Variants in CAB39L observed in about 807,000 individuals in gnomAD.
CAB39L encodes the protein calcium-binding protein 39-like.
CAB39L carries 23 observed loss-of-function variants against 39.1 expected under a neutral mutation model. The observed-to-expected ratio is 0.59, with a 90% CI of 0.42 to 0.83. CAB39L has a LOEUF of 0.83. CAB39L is among the 40% of genes least tolerant of loss of function. The pLI, the probability that CAB39L is intolerant of heterozygous loss-of-function variation, is 0.00. For missense variants in CAB39L, 366 were observed against 391.9 expected (o/e 0.93, Z 0.56); for synonymous variants, 126 against 137.2 (o/e 0.92, Z 0.57).
At chr13:49,411,834 T>C (rs1956995939) in intron 3 of CAB39L, among the ~76,000 whole-genome samples, 2 of 152,312 alleles carry the variant, frequency 1.3e-5, no homozygotes, top group African/African-American at 4.8e-5. Flanking sequence ...GCCTGGCTCA[T>C]GGAACACAGG....
chr13:49,329,587 ATATATAT>A (rs1954626663), intron 10 of CAB39L, among the ~76,000 whole-genome samples: 1 of 119,526 alleles, frequency 8.4e-6, no homozygotes, highest in Admixed American at 8.6e-5. Flanking sequence ...ATATATATAT[ATATATAT>A]ATAATGATGT....
At chr13:49,366,756 A>G (rs1379447700) in intron 5 of CAB39L, among the ~76,000 whole-genome samples, 1 of 151,966 alleles carries the variant, frequency 6.6e-6, no homozygotes, top group Non-Finnish European at 1.5e-5. Context: ...TGGCTCACAC[A>G]TGTAATCCCA....
At chr13:49,391,787 A>G (rs1956493351) in intron 3 of CAB39L, among the ~76,000 whole-genome samples, 1 of 152,184 alleles carries the variant, frequency 6.6e-6, no homozygotes, top group Non-Finnish European at 1.5e-5. Context: ...ATTTGACCAA[A>G]TCAGCAAAAA....
intron 3 of CAB39L, among the ~76,000 whole-genome samples, chr13:49,409,460 A>AC (rs1956945234): frequency 6.6e-6 from 1 of 152,068 alleles, no homozygotes; most frequent in Non-Finnish European, 1.5e-5. Context: ...TAAAAAAAAA[A>AC]AAAAAACCTT....
At position 49,370,801 on chromosome 13, in the gene CAB39L, G is replaced by C. The variant is rs945805775; in HGVS notation, c.276+6166C>G. Among the ~76,000 whole-genome samples, 7 of 152,280 alleles carry C rather than the reference G, an allele frequency of 4.6e-5. No individual in the cohort carries two copies. The East Asian group carries it at 1.2e-3, about 25-fold the overall frequency. On this transcript the variant is annotated intron_variant, in intron 5 of 10. Coordinates refer to ENST00000409308, the MANE Select transcript of CAB39L (RefSeq NM_001079670.3). ...AGGTTTCACATCTAATTAAGAGCCT[G>C]ATGCCAAATGCCATTTTTAATCACC... is the stretch of plus-strand genomic sequence containing the variant.
intron 5 of CAB39L, among the ~76,000 whole-genome samples, chr13:49,374,130 G>C (rs1955994454): frequency 6.6e-6 from 1 of 152,144 alleles, no homozygotes; most frequent in African/African-American, 2.4e-5. Context: ...GCTAGAGAAG[G>C]ATAACGGCTG....
At chr13:49,419,522 G>T (rs539565401) in intron 3 of CAB39L, among the ~76,000 whole-genome samples, 11 of 152,290 alleles carry the variant, frequency 7.2e-5, no homozygotes, top group Non-Finnish European at 1.5e-4. Flanking sequence ...AGGCTGCAGT[G>T]AGTCAAGATC....
intron 3 of CAB39L, among the ~76,000 whole-genome samples, chr13:49,424,746 CTAATT>C (rs1957218844): frequency 6.6e-6 from 1 of 151,900 alleles, no homozygotes; most frequent in Non-Finnish European, 1.5e-5. Flanking sequence ...TCTCAGAACA[CTAATT>C]TAGTTTTTAA....
intron 3 of CAB39L, among the ~76,000 whole-genome samples, chr13:49,418,809 C>A (rs1260473216): frequency 6.6e-6 from 1 of 151,964 alleles, no homozygotes; most frequent in African/African-American, 2.4e-5. Flanking sequence ...GATCTACTCA[C>A]CTAGACCTCC....
intron 4 of CAB39L, among the ~76,000 whole-genome samples, chr13:49,381,374 A>G (rs1956250201): frequency 6.6e-6 from 1 of 152,186 alleles, no homozygotes; most frequent in African/African-American, 2.4e-5. Context: ...TGTTTAAGAG[A>G]GAGTTAAGGA....
At chr13:49,348,660 C>T (rs1955250139) in intron 7 of CAB39L, among the ~76,000 whole-genome samples, 1 of 152,212 alleles carries the variant, frequency 6.6e-6, no homozygotes. Context: ...AATCCACCCC[C>T]AGCCCACCCC....
chr13:49,422,393 C>A (rs775308323), intron 3 of CAB39L, among the ~76,000 whole-genome samples: 19 of 152,068 alleles, frequency 1.2e-4, no homozygotes, highest in Non-Finnish European at 2.2e-4. Context: ...GCCAACATGG[C>A]AAAACCTTAT....
intron 3 of CAB39L, among the ~76,000 whole-genome samples, chr13:49,384,087 T>G (rs1315801649): frequency 6.6e-6 from 1 of 152,176 alleles, no homozygotes; most frequent in Admixed American, 6.5e-5. Context: ...TTGTTAGCAT[T>G]TTACTCACAG....
chr13:49,398,896 C>G (rs1020856134), intron 3 of CAB39L, among the ~76,000 whole-genome samples: 6 of 152,002 alleles, frequency 3.9e-5, no homozygotes, highest in African/African-American at 7.2e-5. Context: ...GATACCTAAC[C>G]TTGTAAATTG....
chr13:49,390,182 T>C (rs1956457184), intron 3 of CAB39L, among the ~76,000 whole-genome samples: 1 of 152,148 alleles, frequency 6.6e-6, no homozygotes, highest in Non-Finnish European at 1.5e-5. Context: ...CCACCACACC[T>C]GACCCATACT....
chr13:49,349,107 A>T (rs1387126033), intron 7 of CAB39L, among the ~76,000 whole-genome samples: 1 of 152,202 alleles, frequency 6.6e-6, no homozygotes, highest in East Asian at 1.9e-4. Flanking sequence ...TGCAGATAAT[A>T]GGTAGTTTTC....
At chr13:49,412,449 T>G (rs1472886559) in intron 3 of CAB39L, among the ~76,000 whole-genome samples, 1 of 152,220 alleles carries the variant, frequency 6.6e-6, no homozygotes, top group African/African-American at 2.4e-5. Flanking sequence ...TATTTTGGTT[T>G]CTCACAGTTG....
chr13:49,311,131 A>G, intron 10 of CAB39L, 138 bp from the exon 11 acceptor site: 1 of 698,790 alleles, frequency 1.4e-6, no homozygotes, highest in South Asian at 1.9e-5. Flanking sequence ...GAAGCCCCTG[A>G]CTCTAATTCT....
intron 4 of CAB39L, among the ~76,000 whole-genome samples, chr13:49,381,568 C>T (rs1956254451): frequency 6.6e-6 from 1 of 152,158 alleles, no homozygotes; most frequent in Admixed American, 6.5e-5. Flanking sequence ...TAGGCTGAAA[C>T]AATATAGCTT....
Sources: gnomAD v4.1 joint callset for allele counts (sites outside exome capture counted in the v4.1 genomes callset) on GRCh38, gnomAD v4.1.1 for gene constraint, MANE v1.5 for transcripts, NCBI Gene and HGNC (gene_info 2026-07-23, HGNC 2026-07-21) for gene names.